ERICH1: variants seen among roughly 807,000 people sequenced by gnomAD.
The protein encoded by ERICH1 is glutamate-rich protein 1.
ERICH1 carries 56 observed loss-of-function variants against 39.6 expected under a neutral mutation model. The observed-to-expected ratio is 1.41, with a 90% CI of 1.14 to 1.77. The LOEUF (loss-of-function observed/expected upper bound fraction) is 1.77, where lower values mean the gene tolerates loss of function less well. Ranked by LOEUF, ERICH1 falls within the 40% of genes most tolerant of loss-of-function variation. The probability of loss-of-function intolerance (pLI) is 0.00; values close to 1 mark genes in which losing one functional copy is unlikely to be tolerated. For missense variants in ERICH1, 826 were observed against 575.4 expected, an observed-to-expected ratio of 1.44 and a Z score of -4.45; for synonymous variants, 313 against 223.6, an observed-to-expected ratio of 1.40 and a Z score of -3.57.
At chr8:687,814 G>C (rs576214117) in intron 3 of ERICH1, among the ~76,000 whole-genome samples, 4 of 152,292 alleles carry the variant, frequency 2.6e-5, no homozygotes, top group African/African-American at 7.2e-5. Flanking sequence ...CGGAGGAATC[G>C]GGGGCGAGGC....
intron 3 of ERICH1, among the ~76,000 whole-genome samples, chr8:683,426 T>G (rs567912862): frequency 5.2e-4 from 79 of 152,198 alleles, no homozygotes; most frequent in Admixed American, 3.9e-3. Context: ...GGGTCAGCCG[T>G]GAGGGTCAGC....
chr8:727,627 G>A (rs1394065690), intron 1 of ERICH1, among the ~76,000 whole-genome samples: 42 of 152,206 alleles, frequency 2.8e-4, no homozygotes, highest in Non-Finnish European at 2.9e-5. Flanking sequence ...AAGCATCCAA[G>A]CATCCTGCGC....
At chr8:629,418 C>G (rs1307371568) in intron 3 of ERICH1, among the ~76,000 whole-genome samples, 52 of 81,846 alleles carry the variant, frequency 6.4e-4, no homozygotes, top group African/African-American at 1.2e-3. Context: ...TGACTCACAC[C>G]CTCCTGTGAG....
Position 648,854 on chromosome 8 carries a change from G to T in ERICH1, c.976+19744C>A, listed in dbSNP as rs1201501261. Among the ~76,000 whole-genome samples, 2 of 69,556 alleles carry T rather than the reference G, an allele frequency of 2.9e-5. 1 individual carries two copies. The highest frequency in any genetic ancestry group is 9.0e-5 in the Non-Finnish European group (2 of 22,106). 45.6% of individuals were successfully genotyped at this position (69,556 alleles called of 152,430 possible). A position where few individuals can be genotyped will look rare whatever the true frequency, so the allele number is the denominator to read the frequency against. On this transcript the variant is annotated intron_variant, in intron 3 of 3. Coordinates refer to the ERICH1 transcript ENST00000522706. ...ATTTAACAATTGCATAATGATAGTA[G>T]ATTCTAATATAAAATACTGGGAATC...
chr8:624,235 G>T (rs1252090883), intron 3 of ERICH1, among the ~76,000 whole-genome samples: 1 of 152,172 alleles, frequency 6.6e-6, no homozygotes, highest in Admixed American at 6.5e-5. Context: ...GAGAAAGATA[G>T]ATGATGTAAA....
chr8:662,266 A>G (rs183823135), downstream of ERICH1, among the ~76,000 whole-genome samples: 1 of 152,402 alleles, frequency 6.6e-6, no homozygotes, highest in East Asian at 1.9e-4. Context: ...CATCATTAAA[A>G]GACACAAATG....
chr8:693,051 G>T (rs955351894), intron 2 of ERICH1, among the ~76,000 whole-genome samples: 1 of 152,002 alleles, frequency 6.6e-6, no homozygotes, highest in Non-Finnish European at 1.5e-5. Flanking sequence ...TGTGTACACT[G>T]TGGCTGTGTG....
chr8:625,186 T>C (rs890869565), intron 3 of ERICH1, among the ~76,000 whole-genome samples: 2 of 152,124 alleles, frequency 1.3e-5, no homozygotes, highest in Non-Finnish European at 1.5e-5. Flanking sequence ...ATCCGAACCA[T>C]ATCAGAGTCA....
At chr8:724,549 C>T (rs1585713933) in intron 1 of ERICH1, among the ~76,000 whole-genome samples, 1 of 152,112 alleles carries the variant, frequency 6.6e-6, no homozygotes, top group African/African-American at 2.4e-5. Context: ...CAGAGCAGCC[C>T]ACTCAGTTCT....
At chr8:681,476 C>A (rs1425989023) in intron 3 of ERICH1, among the ~76,000 whole-genome samples, 1 of 152,186 alleles carries the variant, frequency 6.6e-6, no homozygotes, top group Admixed American at 6.5e-5. Context: ...ATGGAGAAAA[C>A]CTTCCTTGGG....
chr8:710,683 C>A (rs1445704881), intron 2 of ERICH1, among the ~76,000 whole-genome samples: 1 of 152,224 alleles, frequency 6.6e-6, no homozygotes, highest in Non-Finnish European at 1.5e-5. Context: ...AAGGTCCCAT[C>A]ATGTCTTTTC....
At chr8:642,698 T>C (rs2117240775) in intron 3 of ERICH1, among the ~76,000 whole-genome samples, 1 of 152,198 alleles carries the variant, frequency 6.6e-6, no homozygotes, top group East Asian at 1.9e-4. Context: ...GTCTTCATCA[T>C]CCCACAAACG....
At chr8:719,614 T>G (rs1313459876) in intron 1 of ERICH1, among the ~76,000 whole-genome samples, 1 of 152,194 alleles carries the variant, frequency 6.6e-6, no homozygotes, top group Admixed American at 6.5e-5. Context: ...TCTCACCCAC[T>G]AATTCTGGCA....
At chr8:696,288 CCTTCA>C (rs1369562865) in intron 2 of ERICH1, among the ~76,000 whole-genome samples, 3 of 78,090 alleles carry the variant, frequency 3.8e-5, no homozygotes, top group Non-Finnish European at 2.4e-5. Context: ...CTCCTCTCAC[CCTTCA>C]CTCCTCTCCT....
intron 3 of ERICH1, among the ~76,000 whole-genome samples, chr8:620,889 C>G (rs1259562488): frequency 6.6e-6 from 1 of 151,586 alleles, no homozygotes; most frequent in African/African-American, 2.4e-5. Context: ...GCAGAAGATC[C>G]ACACAGAAAT....
chr8:661,534 T>A (rs904967544), downstream of ERICH1, among the ~76,000 whole-genome samples: 1 of 152,228 alleles, frequency 6.6e-6, no homozygotes, highest in African/African-American at 2.4e-5. Flanking sequence ...CTTCTCTGCC[T>A]GTCTTAATTG....
intron 3 of ERICH1, among the ~76,000 whole-genome samples, chr8:632,846 G>A (rs773462624): frequency 2.6e-4 from 40 of 152,204 alleles, no homozygotes; most frequent in Non-Finnish European, 8.8e-5. Flanking sequence ...ATAGCTGGGG[G>A]TGTCGTTGTC....
intron 3 of ERICH1, among the ~76,000 whole-genome samples, chr8:648,502 CAA>C (rs531723403): frequency 0.035 from 480 of 13,758 alleles, 126 homozygotes; most frequent in African/African-American, 0.064. Flanking sequence ...AAAGAAAAAG[CAA>C]AAAAAAAAAA....
intron 3 of ERICH1, chr8:616,667 C>T: frequency 2.2e-6 from 1 of 447,830 alleles, no homozygotes; most frequent in African/African-American, 2.1e-5. Context: ...GCGCGGGGGA[C>T]AGAGGCAGAG....
Sources: allele counts gnomAD v4.1 joint callset (sites outside exome capture counted in the v4.1 genomes callset), GRCh38; gene constraint gnomAD v4.1.1; transcripts MANE v1.5; gene names NCBI Gene and HGNC (gene_info 2026-07-23, HGNC 2026-07-21).